Variants in RAB6A observed in about 807,000 individuals in gnomAD.
RAB6A encodes the protein RAB6A, member RAS oncogene family, also known as ras-related protein Rab-6A.
A neutral mutation model predicts 32.3 loss-of-function variants in RAB6A; 8 were observed. The observed-to-expected ratio is 0.25, with a 90% CI of 0.15 to 0.45. RAB6A has a LOEUF of 0.45. RAB6A is among the 20% of genes least tolerant of loss of function. The pLI is 1.00. For missense variants in RAB6A, 104 were observed against 249.4 expected (o/e 0.42, Z 3.93); for synonymous variants, 73 against 82.1 (o/e 0.89, Z 0.60).
At chr11:73,680,536 C>G (rs1219422912) in intron 6 of RAB6A, among the ~76,000 whole-genome samples, 1 of 151,878 alleles carries the variant, frequency 6.6e-6, no homozygotes, top group Non-Finnish European at 1.5e-5. Flanking sequence ...CCTGTAATCC[C>G]AGCTACTTGG....
rs549599604 is a variant in RAB6A at position 73,701,442 on chromosome 11, C to G, written c.495+5978G>C. Reference sequence around the variant, plus strand: ...TACCAGCACAACTTCTGAATTGTGACTGACCTACATAGCAAGAACTCAGAA... The same window carrying G: ...TACCAGCACAACTTCTGAATTGTGAGTGACCTACATAGCAAGAACTCAGAA... On this transcript the variant is annotated intron_variant, in intron 6 of 7. Coordinates refer to ENST00000336083, the MANE Select transcript of RAB6A (RefSeq NM_198896.2). Among the ~76,000 whole-genome samples the G allele has an allele frequency of 3.3e-5, 5 of 152,320 alleles. No homozygotes were observed. In the East Asian group the frequency reaches 9.6e-4, roughly 29 times the overall value.
chr11:73,700,677 T>C (rs566059772), intron 6 of RAB6A, among the ~76,000 whole-genome samples: 2 of 150,844 alleles, frequency 1.3e-5, no homozygotes, highest in South Asian at 2.1e-4. Flanking sequence ...TCAGAGGCTG[T>C]CTTTTTATGA....
intron 1 of RAB6A, among the ~76,000 whole-genome samples, chr11:73,732,559 C>G (rs1040299947): frequency 2.0e-5 from 3 of 152,158 alleles, no homozygotes; most frequent in African/African-American, 7.2e-5. Context: ...GCGCTCCAGA[C>G]TGGGTGACAG....
At chr11:73,738,887 T>TGAGCCAAGACTGCGCCACTGCACTCCAGC (rs1172526326) in intron 1 of RAB6A, among the ~76,000 whole-genome samples, 1 of 151,412 alleles carries the variant, frequency 6.6e-6, no homozygotes, top group Non-Finnish European at 1.5e-5. Flanking sequence ...GAGGCTGCAG[T>TGAGCCAAGACTGCGCCACTGCACTCCAGC]GAGCCAAGAC....
rs76416748 is a variant in RAB6A at position 73,695,719 on chromosome 11, C to T, written c.495+11701G>A. On this transcript the variant is annotated intron_variant, in intron 6 of 7. Coordinates refer to ENST00000336083, the MANE Select transcript of RAB6A (RefSeq NM_198896.2). ...TAGAAGACATTCTAGGGCATCTTTG[C>T]TGGAACAGCTTCTTTCCCTAAGAAA... 5.3e-3 allele frequency among the ~76,000 whole-genome samples: 810 copies of T among 152,250 alleles called. 7 individuals are homozygous for T. Among genetic ancestry groups the T allele is most frequent in the African/African-American group, 0.018 (738 of 41,572 alleles).
At chr11:73,703,867 T>G (rs1945788878) in intron 6 of RAB6A, among the ~76,000 whole-genome samples, 1 of 151,000 alleles carries the variant, frequency 6.6e-6, no homozygotes, top group South Asian at 2.1e-4. Context: ...CAGGATCATA[T>G]AAAAATACAA....
At chr11:73,736,809 G>GAAAAAAAAAAAAAAAAAAAA (rs756237159) in intron 1 of RAB6A, among the ~76,000 whole-genome samples, 8 of 108,752 alleles carry the variant, frequency 7.4e-5, no homozygotes, top group East Asian at 2.6e-4. Flanking sequence ...AAAAAAAAAA[G>GAAAAAAAAAAAAAAAAAAAA]AAAAAAAAAA....
At chr11:73,687,907 T>C (rs1282735990) in intron 6 of RAB6A, among the ~76,000 whole-genome samples, 1 of 152,206 alleles carries the variant, frequency 6.6e-6, no homozygotes, top group Non-Finnish European at 1.5e-5. Flanking sequence ...GTCAAGTAAT[T>C]TGGATTTGCT....
At chr11:73,679,464 A>C (rs1024552793) in intron 7 of RAB6A, among the ~76,000 whole-genome samples, 190 bp downstream of exon 7, 1 of 152,172 alleles carries the variant, frequency 6.6e-6, no homozygotes, top group African/African-American at 2.4e-5. Flanking sequence ...TAACAACGAG[A>C]AGCAGGCTGC....
chr11:73,708,109 T>G (rs1410984663), intron 5 of RAB6A, among the ~76,000 whole-genome samples: 1 of 152,222 alleles, frequency 6.6e-6, no homozygotes, highest in Admixed American at 6.5e-5. Context: ...TGAAAATTGT[T>G]GCCCTAAATA....
intron 5 of RAB6A, 50 bp from the exon 6 acceptor site, chr11:73,707,563 A>G: frequency 4.7e-6 from 6 of 1,288,574 alleles, no homozygotes; most frequent in African/African-American, 1.5e-5. Flanking sequence ...AGGCAGTATT[A>G]TAAAGATTAT....
At chr11:73,733,556 AAAAAAAATAAATAAATAAAAAT>A (rs1487717413) in intron 1 of RAB6A, among the ~76,000 whole-genome samples, 5 of 150,366 alleles carry the variant, frequency 3.3e-5, no homozygotes, top group East Asian at 1.9e-4. Context: ...ATCTCAAAAA[AAAAAAAATAAATAAATAAAAAT>A]AAATAAATAA....
At chr11:73,716,620 TGTA>T (rs1174372332) in intron 4 of RAB6A, among the ~76,000 whole-genome samples, 2 of 151,766 alleles carry the variant, frequency 1.3e-5, no homozygotes, top group Non-Finnish European at 2.9e-5. Context: ...ATGAGTACAA[TGTA>T]GTATTTAATT....
intron 5 of RAB6A, among the ~76,000 whole-genome samples, chr11:73,709,263 T>G (rs1291862805): frequency 6.6e-6 from 1 of 151,958 alleles, no homozygotes; most frequent in Non-Finnish European, 1.5e-5. Context: ...CCAATGTCCT[T>G]TATAGCAAAT....
At chr11:73,684,903 G>C (rs1277451338) in intron 6 of RAB6A, among the ~76,000 whole-genome samples, 1 of 152,238 alleles carries the variant, frequency 6.6e-6, no homozygotes, top group African/African-American at 2.4e-5. Flanking sequence ...GACTGAGAAA[G>C]ACCTTCCCTC....
intron 6 of RAB6A, chr11:73,704,091 A>G (rs1293785750): frequency 4.2e-6 from 1 of 237,208 alleles, no homozygotes; most frequent in East Asian, 1.1e-4. Context: ...CTATAAATTT[A>G]CTAAAAATCG....
intron 1 of RAB6A, among the ~76,000 whole-genome samples, chr11:73,746,925 T>C (rs992915009): frequency 6.6e-6 from 1 of 152,150 alleles, no homozygotes; most frequent in Non-Finnish European, 1.5e-5. Flanking sequence ...GTACACGTAG[T>C]AGGACTGTTT....
intron 1 of RAB6A, among the ~76,000 whole-genome samples, chr11:73,743,944 G>A (rs1231051943): frequency 6.6e-6 from 1 of 152,144 alleles, no homozygotes; most frequent in African/African-American, 2.4e-5. Flanking sequence ...CAGGTGCCAT[G>A]GCTCATGCCT....
intron 2 of RAB6A, among the ~76,000 whole-genome samples, chr11:73,727,870 A>C (rs998155603): frequency 6.6e-6 from 1 of 152,226 alleles, no homozygotes; most frequent in Non-Finnish European, 1.5e-5. Context: ...AATTGAAATC[A>C]AGTTTTTTTC....
Sources: gnomAD v4.1 joint callset for allele counts (sites outside exome capture counted in the v4.1 genomes callset) on GRCh38, gnomAD v4.1.1 for gene constraint, MANE v1.5 for transcripts, NCBI Gene and HGNC (gene_info 2026-07-23, HGNC 2026-07-21) for gene names.